Variants in ARPC2 observed in about 807,000 individuals in gnomAD.
ARPC2 encodes the protein actin related protein 2/3 complex subunit 2, also known as actin-related protein 2/3 complex subunit 2.
ARPC2 carries 4 observed loss-of-function variants against 38.6 expected under a neutral mutation model. The ratio of observed to expected loss-of-function variants is 0.10; its 90% CI spans 0.05 to 0.24. ARPC2 has a LOEUF of 0.24. ARPC2 is among the 10% of genes least tolerant of loss of function. ARPC2 has a pLI of 1.00. For synonymous variants in ARPC2, 125 were observed against 140.8 expected (o/e 0.89, Z 0.79); for missense variants, 229 against 387.3 (o/e 0.59, Z 3.43).
chr2:218,221,385 T>C (rs918071441), intron 2 of ARPC2, among the ~76,000 whole-genome samples: 1 of 152,254 alleles, frequency 6.6e-6, no homozygotes, highest in African/African-American at 2.4e-5. Context: ...GACAGGCTGT[T>C]TGGAGTGATT....
rs569406671 is a variant in ARPC2, at chr2:218,254,146, A to G, written c.*231A>G. On this transcript the variant is annotated 3_prime_UTR_variant, in exon 11 of 11. Coordinates refer to ENST00000315717, the MANE Select transcript of ARPC2 (RefSeq NM_152862.3). The stretch of plus-strand genomic sequence containing the variant: ...AAAAGAATTCCACTTGATCAACTTA[A>G]TTCCTTTTCTTTATCTTCCCTCCCT... 2.6e-5 allele frequency: 13 copies of G among 505,260 alleles called. No individual in the cohort carries two copies. The highest frequency in any genetic ancestry group is 2.4e-5 in the Non-Finnish European group (7 of 291,680). 31.3% of individuals were successfully genotyped at this position (505,260 alleles called of 1,614,324 possible).
chr2:218,242,632 G>A (rs2106156022), intron 7 of ARPC2, among the ~76,000 whole-genome samples: 1 of 152,306 alleles, frequency 6.6e-6, no homozygotes, highest in Admixed American at 6.5e-5. Context: ...GGAGAGGAGT[G>A]CCTGTTTTCC....
At chr2:218,239,023 T>C (rs1574587533) in intron 6 of ARPC2, 173 bp downstream of exon 6, 1 of 600,312 alleles carries the variant, frequency 1.7e-6, no homozygotes, top group Middle Eastern at 4.5e-4. Context: ...CCACTCCTCC[T>C]ACTCTCCAGA....
intron 2 of ARPC2, among the ~76,000 whole-genome samples, chr2:218,218,575 A>G (rs1343624744): frequency 6.6e-6 from 1 of 152,208 alleles, no homozygotes; most frequent in African/African-American, 2.4e-5. Flanking sequence ...CCTATGTATG[A>G]GCATGGGGCT....
intron 2 of ARPC2, among the ~76,000 whole-genome samples, chr2:218,225,064 T>C (rs1427136995): frequency 1.3e-5 from 2 of 152,224 alleles, no homozygotes. Context: ...AAGGCAATAG[T>C]CTTCATTTGC....
Position 218,254,145 on chromosome 2 carries a change from A to C in ARPC2, c.*230A>C. ...AAAAAGAATTCCACTTGATCAACTT[A>C]ATTCCTTTTCTTTATCTTCCCTCCC... On this transcript the variant is annotated 3_prime_UTR_variant, in exon 11 of 11. Transcript: ENST00000315717. 2 of 510,142 alleles carry C rather than the reference A, an allele frequency of 3.9e-6. No individual in the cohort carries two copies. Among genetic ancestry groups the C allele is most frequent in the South Asian group, 3.0e-5 (1 of 33,412 alleles). 31.6% of individuals were successfully genotyped at this position (510,142 alleles called of 1,614,324 possible). A position where few individuals can be genotyped will look rare whatever the true frequency, so the allele number is the denominator to read the frequency against.
At chr2:218,217,365 C>A (rs1689274290) in intron 1 of ARPC2, 98 bp from the exon 2 acceptor site, 3 of 1,128,424 alleles carry the variant, frequency 2.7e-6, no homozygotes, top group East Asian at 2.4e-5. Context: ...CCTCCTACCC[C>A]ACCCAGCCCC....
chr2:218,236,945 AAAT>A (rs1422275912), intron 5 of ARPC2, among the ~76,000 whole-genome samples: 1 of 152,216 alleles, frequency 6.6e-6, no homozygotes, highest in Non-Finnish European at 1.5e-5. Flanking sequence ...AGTGATGTAG[AAAT>A]ATTCTTGCAA....
chr2:218,224,443 A>G (rs1353059391), intron 2 of ARPC2, among the ~76,000 whole-genome samples: 1 of 152,168 alleles, frequency 6.6e-6, no homozygotes, highest in Admixed American at 6.5e-5. Context: ...CCCATTGGTC[A>G]TCCTCTTAAT....
chr2:218,217,689 G>A (rs1689286577), intron 2 of ARPC2, 145 bp downstream of exon 2: 2 of 863,332 alleles, frequency 2.3e-6, no homozygotes, highest in Non-Finnish European at 3.6e-6. Context: ...GGTAGACGTG[G>A]GAGGCGATTG....
intron 8 of ARPC2, 92 bp downstream of exon 8, chr2:218,245,638 A>C: frequency 2.0e-6 from 3 of 1,534,640 alleles, no homozygotes; most frequent in Non-Finnish European, 2.6e-6. Flanking sequence ...TTAACATTTT[A>C]AGGTAGGCAA....
chr2:218,250,870 G>T (rs140951360), intron 10 of ARPC2, among the ~76,000 whole-genome samples: 5 of 152,060 alleles, frequency 3.3e-5, no homozygotes, highest in Admixed American at 2.6e-4. Context: ...TTTGTTTTTT[G>T]GTGGGGGTGT....
chr2:218,230,737 A>G (rs1689615814), intron 4 of ARPC2, among the ~76,000 whole-genome samples: 1 of 152,128 alleles, frequency 6.6e-6, no homozygotes. Flanking sequence ...ACACACCTGT[A>G]GTGCCAACTG....
At chr2:218,245,379 C>T (rs200135737) in intron 7 of ARPC2, 41 bp from the exon 8 acceptor site, 47 of 1,612,644 alleles carry the variant, frequency 2.9e-5, no homozygotes, top group Non-Finnish European at 3.8e-5. Flanking sequence ...ACTCATCTTA[C>T]ACCCACTTCT....
chr2:218,237,112 A>G (rs895386491), intron 5 of ARPC2, among the ~76,000 whole-genome samples: 2 of 152,182 alleles, frequency 1.3e-5, no homozygotes, highest in Non-Finnish European at 2.9e-5. Flanking sequence ...ATGACCTGTC[A>G]TGTTCCACAC....
chr2:218,249,764 C>G lies in ARPC2; in HGVS notation c.778-57C>G, dbSNP rs935922826. On this transcript the variant is annotated intron_variant, in intron 9 of 10. Transcript: ENST00000315717. Reference sequence around the variant, plus strand: ...TGATGACCTCTCTGATGAAAGACAGCAAAGCTGTCTTTCTAGACCATGACT... The same window carrying G: ...TGATGACCTCTCTGATGAAAGACAGGAAAGCTGTCTTTCTAGACCATGACT... 6 of 1,513,586 alleles carry G rather than the reference C, an allele frequency of 4.0e-6. No homozygotes were observed. The African/African-American group carries it at 4.1e-5, about 10-fold the overall frequency. 93.8% of individuals were successfully genotyped at this position (1,513,586 alleles called of 1,614,324 possible).
chr2:218,245,932 T>A (rs1690020509), intron 8 of ARPC2, among the ~76,000 whole-genome samples: 1 of 152,064 alleles, frequency 6.6e-6, no homozygotes, highest in African/African-American at 2.4e-5. Flanking sequence ...AAGTACAGTT[T>A]TGGCTGGGCA....
chr2:218,238,931 C>A, intron 6 of ARPC2, 81 bp downstream of exon 6: 3 of 1,165,996 alleles, frequency 2.6e-6, no homozygotes, highest in South Asian at 3.0e-5. Context: ...ATGGCTTGGT[C>A]AAACTTTCAG....
At chr2:218,231,570 A>G (rs867328213) in intron 4 of ARPC2, among the ~76,000 whole-genome samples, 1 of 152,144 alleles carries the variant, frequency 6.6e-6, no homozygotes, top group Admixed American at 6.5e-5. Context: ...AAGAAGTGGT[A>G]TATCAGACAC....
Sources: allele counts gnomAD v4.1 joint callset (sites outside exome capture counted in the v4.1 genomes callset), GRCh38; gene constraint gnomAD v4.1.1; transcripts MANE v1.5; gene names NCBI Gene and HGNC (gene_info 2026-07-23, HGNC 2026-07-21).